CFLAR: variants seen among roughly 807,000 people sequenced by gnomAD.
CFLAR encodes CASP8 and FADD-like apoptosis regulator.
A neutral mutation model predicts 51.1 loss-of-function variants in CFLAR; 14 were observed. The observed-to-expected ratio is 0.27, with a 90% CI of 0.18 to 0.43. The LOEUF (loss-of-function observed/expected upper bound fraction) is 0.43. Ranked by LOEUF, CFLAR falls within the 20% of genes least tolerant of loss-of-function variation. CFLAR has a pLI of 1.00. For missense variants in CFLAR, 390 were observed against 566.5 expected (o/e 0.69, Z 3.16); for synonymous variants, 210 against 211.6 (o/e 0.99, Z 0.06).
chr2:201,145,552 T>A, intron 6 of CFLAR, 120 bp downstream of exon 6: 1 of 694,832 alleles, frequency 1.4e-6, no homozygotes, highest in East Asian at 2.6e-5. Flanking sequence ...GCTCTCAAAA[T>A]AAAAACTGGT....
rs1249637484 is a variant in CFLAR, at chr2:201,166,243, G to C, written c.*2270G>C. On this transcript the variant is annotated 3_prime_UTR_variant, in exon 10 of 10. Transcript: ENST00000309955. ...CCCCACCTCCCTCCCCGACGGGGCG[G>C]CTGGCCGGGCGGGGGCTGACCCCCA... is the stretch of plus-strand genomic sequence containing the variant. The C allele has an allele frequency of 7.0e-6, 1 of 142,386 alleles. No individual in the cohort carries two copies. The highest frequency in any genetic ancestry group is 2.6e-5 in the African/African-American group (1 of 38,194). The allele number at this position is 142,386 out of a possible 1,614,324, so 8.8% of individuals were successfully genotyped here. A position where few individuals can be genotyped will look rare whatever the true frequency, so the allele number is the denominator to read the frequency against.
At position 201,136,126 on chromosome 2, in the gene CFLAR, C is replaced by A; in HGVS notation, c.523+19C>A. Reference sequence around the variant, plus strand: ...CAGTCTGGTAAGAATTTTGGCCTCTCAGTGGTCTAGGGGAAGTACTCTGTG... The same window carrying A: ...CAGTCTGGTAAGAATTTTGGCCTCTAAGTGGTCTAGGGGAAGTACTCTGTG... On this transcript the variant is annotated intron_variant, in intron 4 of 9. Transcript: ENST00000309955. 1.9e-6 allele frequency: 3 copies of A among 1,612,478 alleles called. No individual in the cohort carries two copies. Among genetic ancestry groups the A allele is most frequent in the Non-Finnish European group, 2.5e-6 (3 of 1,179,140 alleles).
At chr2:201,137,730 A>C in intron 4 of CFLAR, 3 of 795,620 alleles carry the variant, frequency 3.8e-6, no homozygotes, top group Non-Finnish European at 6.7e-6. Context: ...GATGGAGCCC[A>C]AGACATCCTG....
At chr2:201,159,828 G>A (rs929483331) in intron 8 of CFLAR, among the ~76,000 whole-genome samples, 2 of 152,170 alleles carry the variant, frequency 1.3e-5, no homozygotes, top group Admixed American at 6.5e-5. Context: ...TGTGGGTGAG[G>A]AATTTAGGAG....
intron 8 of CFLAR, among the ~76,000 whole-genome samples, chr2:201,154,810 T>C (rs1284847902): frequency 6.6e-6 from 1 of 152,280 alleles, no homozygotes; most frequent in East Asian, 1.9e-4. Context: ...CAGTAAATGT[T>C]CGTTGAGGGC....
chr2:201,121,820 C>T (rs1173326500), intron 1 of CFLAR, among the ~76,000 whole-genome samples: 1 of 152,162 alleles, frequency 6.6e-6, no homozygotes, highest in East Asian at 1.9e-4. Flanking sequence ...TATTTTATTG[C>T]AGTAGTGTAG....
At chr2:201,126,147 C>T (rs901729499) in intron 1 of CFLAR, among the ~76,000 whole-genome samples, 1 of 150,710 alleles carries the variant, frequency 6.6e-6, no homozygotes, top group Admixed American at 6.6e-5. Context: ...CTCTCAGCCT[C>T]GAAGAAGGGG....
intron 2 of CFLAR, among the ~76,000 whole-genome samples, chr2:201,131,046 A>G (rs569165362): frequency 2.6e-5 from 4 of 152,282 alleles, no homozygotes; most frequent in African/African-American, 9.6e-5. Flanking sequence ...AAATCTCTTC[A>G]GTTAACCACA....
Position 201,130,353 on chromosome 2 carries a change from C to CTTTTTTTTTTTTTTTTTTTT in CFLAR, c.281+214_281+233dup, listed in dbSNP as rs771361555. Among the ~76,000 whole-genome samples, 10 of 92,280 alleles carry CTTTTTTTTTTTTTTTTTTTT rather than the reference C, an allele frequency of 1.1e-4. 1 individual carries two copies. Among genetic ancestry groups the CTTTTTTTTTTTTTTTTTTTT allele is most frequent in the African/African-American group, 1.4e-4 (3 of 20,744 alleles). The allele number at this position is 92,280 out of a possible 152,430, so 60.5% of individuals were successfully genotyped here. On this transcript the variant is annotated intron_variant, in intron 2 of 9. Transcript: ENST00000309955. ...TTTCTTGCTTTCTTTTTCTTTCTTT[C>CTTTTTTTTTTTTTTTTTTTT]TTTTTTTTTTTTTTTTTTTTTTTTT...
At position 201,138,723 on chromosome 2, in the gene CFLAR, G is replaced by A. The variant is rs538860402; in HGVS notation, c.524-1634G>A. On this transcript the variant is annotated intron_variant, in intron 4 of 9. Coordinates refer to ENST00000309955, the MANE Select transcript of CFLAR (RefSeq NM_003879.7). This position sits in a 1 kb window ranked among gnomAD's most constrained non-coding sequence, Gnocchi z 4.0. Reference sequence around the variant, plus strand: ...CACCACGGGGTGTGTGATAAAGCCCGGTTCAAACTTCTTGACCTTCTGCAC... The same window carrying A: ...CACCACGGGGTGTGTGATAAAGCCCAGTTCAAACTTCTTGACCTTCTGCAC... The A allele has an allele frequency of 1.8e-5, 14 of 794,136 alleles. No homozygotes were observed. The highest frequency in any genetic ancestry group is 5.1e-5 in the Admixed American group (3 of 58,832). 49.2% of individuals were successfully genotyped at this position (794,136 alleles called of 1,614,324 possible).
At chr2:201,144,738 C>T (rs761681315) in intron 5 of CFLAR, among the ~76,000 whole-genome samples, 2 of 152,206 alleles carry the variant, frequency 1.3e-5, no homozygotes, top group Non-Finnish European at 2.9e-5. Flanking sequence ...GTTCCAACAG[C>T]TTATCCTAAC....
chr2:201,148,300 A>G (rs931382179), intron 6 of CFLAR: 3 of 152,016 alleles, frequency 2.0e-5, no homozygotes, highest in African/African-American at 7.2e-5. Context: ...TATCCTGTGT[A>G]TCTTTTTTTA....
chr2:201,119,059 C>T (rs1383297118), intron 1 of CFLAR: 1 of 152,288 alleles, frequency 6.6e-6, no homozygotes, highest in Non-Finnish European at 1.5e-5. Context: ...ACTCACAACA[C>T]TCCGGGGCAT....
At chr2:201,121,102 A>G (rs950124955) in intron 1 of CFLAR, among the ~76,000 whole-genome samples, 1 of 152,222 alleles carries the variant, frequency 6.6e-6, no homozygotes, top group African/African-American at 2.4e-5. Context: ...TGGCCATGGT[A>G]TGCTATTGAA....
intron 4 of CFLAR, chr2:201,137,375 G>C (rs2050282686): frequency 2.7e-6 from 1 of 375,384 alleles, no homozygotes; most frequent in African/African-American, 2.1e-5. Flanking sequence ...ACCCCTCAGA[G>C]CCTCCCCTCC....
At position 201,169,570 on chromosome 2, in the gene CFLAR, C is replaced by T. The variant is rs1418551297; in HGVS notation, c.*5597C>T. The T allele has an allele frequency of 6.6e-6, 1 of 152,084 alleles. No homozygotes were observed. Among genetic ancestry groups the T allele is most frequent in the African/African-American group, 2.4e-5 (1 of 41,420 alleles). The allele number at this position is 152,084 out of a possible 1,614,324, so 9.4% of individuals were successfully genotyped here. On this transcript the variant is annotated 3_prime_UTR_variant, in exon 10 of 10. Coordinates refer to ENST00000309955, the MANE Select transcript of CFLAR (RefSeq NM_003879.7). ...AGCAAAGGTTTCATGACAAAAACATCAAAAGCAATTGCAACAAAAGCAAAA... is the reference window on the plus strand; with the variant it reads ...AGCAAAGGTTTCATGACAAAAACATTAAAAGCAATTGCAACAAAAGCAAAA...
rs1943968698 is a variant in CFLAR at position 201,170,835 on chromosome 2, A to G, written c.*6862A>G. 6.6e-6 allele frequency: 1 copy of G among 152,238 alleles called. No homozygotes were observed. The highest frequency in any genetic ancestry group is 1.5e-5 in the Non-Finnish European group (1 of 68,036). The allele number at this position is 152,238 out of a possible 1,614,324, so 9.4% of individuals were successfully genotyped here. A position where few individuals can be genotyped will look rare whatever the true frequency, so the allele number is the denominator to read the frequency against. The stretch of plus-strand genomic sequence containing the variant: ...CTATATTATGAAATATCATTAGCTG[A>G]GCTTTTAGAATTGACTGCATGTTTT... On this transcript the variant is annotated 3_prime_UTR_variant, in exon 10 of 10. Transcript: ENST00000309955.
chr2:201,134,682 A>AAAAT (rs2049861434), intron 3 of CFLAR, among the ~76,000 whole-genome samples: 3 of 151,156 alleles, frequency 2.0e-5, no homozygotes, highest in African/African-American at 2.4e-5. Context: ...AAAATAAAAT[A>AAAAT]AAAAAATATA....
At chr2:201,159,159 T>TCA (rs2125920834) in intron 8 of CFLAR, among the ~76,000 whole-genome samples, 1 of 151,542 alleles carries the variant, frequency 6.6e-6, no homozygotes, top group African/African-American at 2.4e-5. Flanking sequence ...ATTACAGATG[T>TCA]GAGCCACTGG....
Sources: allele counts gnomAD v4.1 joint callset (sites outside exome capture counted in the v4.1 genomes callset), GRCh38; gene constraint gnomAD v4.1.1; non-coding constraint Gnocchi (gnomAD v3.1); transcripts MANE v1.5; gene names NCBI Gene and HGNC (gene_info 2026-07-23, HGNC 2026-07-21).